The following ARHGAP15 variants were observed in gnomAD, a reference collection of about 807,000 sequenced individuals.
ARHGAP15 encodes the protein Rho GTPase activating protein 15.
Under a neutral mutation model 63.7 loss-of-function variants are expected in ARHGAP15, and 51 were observed. The observed-to-expected ratio is 0.80, with a 90% confidence interval of 0.64 to 1.01. ARHGAP15 has a LOEUF of 1.01. Among genes scored for constraint, ARHGAP15 ranks in the 50% least tolerant of loss-of-function variants. The pLI, the probability that ARHGAP15 is intolerant of heterozygous loss-of-function variation, is 0.00. For synonymous variants in ARHGAP15, 191 were observed against 193.8 expected (o/e 0.99, Z 0.12); for missense variants, 560 against 564.6 (o/e 0.99, Z 0.08).
intron 10 of ARHGAP15, among the ~76,000 whole-genome samples, chr2:143,520,168 G>C (rs1215541515): frequency 6.6e-6 from 1 of 152,070 alleles, no homozygotes; most frequent in East Asian, 1.9e-4. Context: ...AAAAGATAGA[G>C]GTGTTTTCAG....
chr2:143,726,769 C>A (rs897421407), intron 13 of ARHGAP15, among the ~76,000 whole-genome samples: 1 of 152,170 alleles, frequency 6.6e-6, no homozygotes, highest in Non-Finnish European at 1.5e-5. Flanking sequence ...TCATAGTGAA[C>A]CTAACCAAGT....
intron 12 of ARHGAP15, among the ~76,000 whole-genome samples, chr2:143,635,852 C>A (rs1187869971): frequency 6.6e-6 from 1 of 151,934 alleles, no homozygotes; most frequent in Admixed American, 6.6e-5. Flanking sequence ...ATATTTTAAT[C>A]TATGAACTAT....
intron 6 of ARHGAP15, among the ~76,000 whole-genome samples, chr2:143,357,166 A>T (rs1685846335): frequency 2.0e-5 from 3 of 152,124 alleles, no homozygotes; most frequent in Admixed American, 2.0e-4. Context: ...ATACTGTATT[A>T]TGGGTTATAC....
At chr2:143,164,352 G>A (rs1285384721) in intron 2 of ARHGAP15, among the ~76,000 whole-genome samples, 1 of 151,960 alleles carries the variant, frequency 6.6e-6, no homozygotes, top group Non-Finnish European at 1.5e-5. Context: ...TTACATTAAT[G>A]CATGTTACAA....
chr2:143,680,172 A>G (rs1001819729), intron 12 of ARHGAP15, among the ~76,000 whole-genome samples: 10 of 152,172 alleles, frequency 6.6e-5, no homozygotes, highest in African/African-American at 2.2e-4. Flanking sequence ...CTCAGCTTAT[A>G]ACAAACAAAA....
At chr2:143,139,794 T>G (rs1689290338) in intron 1 of ARHGAP15, among the ~76,000 whole-genome samples, 14 of 152,068 alleles carry the variant, frequency 9.2e-5, no homozygotes, top group Admixed American at 9.2e-4. Context: ...CTTACAGAGA[T>G]AGTAGTGGTA....
intron 2 of ARHGAP15, among the ~76,000 whole-genome samples, chr2:143,157,256 C>A (rs1690118871): frequency 6.6e-6 from 1 of 151,850 alleles, no homozygotes; most frequent in African/African-American, 2.4e-5. Context: ...GCCTCTTGTA[C>A]AATTAGGCAT....
chr2:143,182,796 A>G (rs868278051), intron 2 of ARHGAP15, among the ~76,000 whole-genome samples: 1 of 152,162 alleles, frequency 6.6e-6, no homozygotes, highest in Non-Finnish European at 1.5e-5. Flanking sequence ...GTTATGTAAT[A>G]AGAGATCTGA....
At chr2:143,755,141 T>A (rs1686525279) in intron 13 of ARHGAP15, among the ~76,000 whole-genome samples, 2 of 152,156 alleles carry the variant, frequency 1.3e-5, no homozygotes, top group Non-Finnish European at 2.9e-5. Context: ...CAAAGATTGT[T>A]CAACCTTCCA....
At position 143,308,908 on chromosome 2, in the gene ARHGAP15, G is replaced by A. The variant is rs1574249836; in HGVS notation, c.474+58308G>A. ...AGTATTTGTGCTGCTAATGAAATTT[G>A]TATTTGGTATTGACCTTCCTGGCAG... On this transcript the variant is annotated intron_variant, in intron 6 of 13. Transcript: ENST00000295095. 2.6e-5 allele frequency among the ~76,000 whole-genome samples: 3 copies of A among 116,120 alleles called. No homozygotes were observed. The South Asian group carries it at 8.9e-4, about 34-fold the overall frequency. 76.2% of individuals were successfully genotyped at this position (116,120 alleles called of 152,430 possible). A position where few individuals can be genotyped will look rare whatever the true frequency, so the allele number is the denominator to read the frequency against.
chr2:143,380,113 G>A (rs1472403116), intron 6 of ARHGAP15, among the ~76,000 whole-genome samples: 1 of 152,094 alleles, frequency 6.6e-6, no homozygotes, highest in Non-Finnish European at 1.5e-5. Flanking sequence ...GTAGGCAACT[G>A]ATAGTGTAAA....
intron 6 of ARHGAP15, among the ~76,000 whole-genome samples, chr2:143,313,799 T>G (rs1416437047): frequency 6.6e-6 from 1 of 151,998 alleles, no homozygotes; most frequent in Non-Finnish European, 1.5e-5. Context: ...TTAATTAACC[T>G]TGATATCCTA....
At chr2:143,606,174 T>C (rs539587705) in intron 11 of ARHGAP15, among the ~76,000 whole-genome samples, 1 of 151,910 alleles carries the variant, frequency 6.6e-6, no homozygotes, top group South Asian at 2.1e-4. Context: ...AGGTATTGTT[T>C]ACCAATTAAA....
At chr2:143,604,178 G>A (rs1697892204) in intron 11 of ARHGAP15, among the ~76,000 whole-genome samples, 1 of 152,206 alleles carries the variant, frequency 6.6e-6, no homozygotes, top group Admixed American at 6.5e-5. Flanking sequence ...TTCAGAAGTT[G>A]GAGGGACCTA....
At chr2:143,270,415 T>C (rs1574187567) in intron 6 of ARHGAP15, among the ~76,000 whole-genome samples, 1 of 152,256 alleles carries the variant, frequency 6.6e-6, no homozygotes, top group East Asian at 1.9e-4. Flanking sequence ...TTTTCACTTG[T>C]ATTGCCTATT....
chr2:143,755,384 A>C (rs971035493), intron 13 of ARHGAP15, among the ~76,000 whole-genome samples: 2 of 152,118 alleles, frequency 1.3e-5, no homozygotes, highest in African/African-American at 4.8e-5. Context: ...TCTGCAGTAC[A>C]TGTAAATGCA....
chr2:143,404,945 T>C (rs1328940919), intron 6 of ARHGAP15, among the ~76,000 whole-genome samples: 1 of 152,008 alleles, frequency 6.6e-6, no homozygotes, highest in Non-Finnish European at 1.5e-5. Context: ...CGCAGTATGA[T>C]GTTTCTCAAA....
At chr2:143,602,998 A>G (rs1697835548) in intron 11 of ARHGAP15, among the ~76,000 whole-genome samples, 1 of 152,238 alleles carries the variant, frequency 6.6e-6, no homozygotes, top group Non-Finnish European at 1.5e-5. Flanking sequence ...GTTGCCCAGC[A>G]TGATAAAATA....
intron 8 of ARHGAP15, among the ~76,000 whole-genome samples, chr2:143,452,335 C>T (rs181747890): frequency 2.0e-5 from 3 of 151,842 alleles, no homozygotes; most frequent in Non-Finnish European, 4.4e-5. Context: ...GCTCATCTTC[C>T]CCTGATGGAG....
Sources: gnomAD v4.1 joint callset for allele counts (sites outside exome capture counted in the v4.1 genomes callset) on GRCh38, gnomAD v4.1.1 for gene constraint, MANE v1.5 for transcripts, NCBI Gene and HGNC (gene_info 2026-07-23, HGNC 2026-07-21) for gene names.